Variants in PTPRG observed in about 807,000 individuals in gnomAD.
PTPRG encodes the protein receptor-type tyrosine-protein phosphatase gamma.
PTPRG carries 102 observed loss-of-function variants against 165.3 expected under a neutral mutation model. The ratio of observed to expected loss-of-function variants is 0.62; its 90% CI spans 0.53 to 0.73. The LOEUF is 0.73. Among genes scored for constraint, PTPRG ranks in the 30% least tolerant of loss-of-function variants. PTPRG has a pLI of 0.00. For synonymous variants in PTPRG, 675 were observed against 669.5 expected (o/e 1.01, Z -0.13); for missense variants, 1,866 against 1,861.4 (o/e 1.00, Z -0.05).
intron 1 of PTPRG, among the ~76,000 whole-genome samples, chr3:61,609,687 C>T (rs1188491088): frequency 6.8e-6 from 1 of 147,310 alleles, no homozygotes; most frequent in Non-Finnish European, 1.5e-5. Context: ...CAAAACCGCC[C>T]TCTACACAAA....
At chr3:62,044,130 A>G (rs944614980) in intron 4 of PTPRG, among the ~76,000 whole-genome samples, 1 of 152,250 alleles carries the variant, frequency 6.6e-6, no homozygotes, top group African/African-American at 2.4e-5. Context: ...GGCATTAGCC[A>G]GAGGCTGGAG....
At chr3:61,945,121 T>A (rs1022951036) in intron 2 of PTPRG, among the ~76,000 whole-genome samples, 3 of 152,162 alleles carry the variant, frequency 2.0e-5, no homozygotes, top group African/African-American at 4.8e-5. Flanking sequence ...CAGTGACCAT[T>A]GCACAGAATA....
At chr3:61,902,156 G>A (rs1348167973) in intron 2 of PTPRG, among the ~76,000 whole-genome samples, 1 of 152,202 alleles carries the variant, frequency 6.6e-6, no homozygotes, top group Non-Finnish European at 1.5e-5. Context: ...CTGTTAGCCT[G>A]CTCTGGGGAC....
At chr3:61,850,736 G>A (rs182306457) in intron 2 of PTPRG, among the ~76,000 whole-genome samples, 3 of 151,872 alleles carry the variant, frequency 2.0e-5, no homozygotes, top group Admixed American at 2.0e-4. Flanking sequence ...ATCTGTCTTC[G>A]TGCATCCTTG....
rs149097088 is a variant in PTPRG, at chr3:61,881,616, T to C, written c.191-108009T>C. ...CAAGTTAGTAATACAGTGAATGTGA[T>C]AAAAGCTTCTATGAAGTTGACTAGA... On this transcript the variant is annotated intron_variant, in intron 2 of 29. Transcript: ENST00000474889. 5.3e-5 allele frequency among the ~76,000 whole-genome samples: 8 copies of C among 152,334 alleles called. No individual in the cohort carries two copies. The East Asian group carries it at 1.5e-3, about 29-fold the overall frequency.
chr3:61,773,235 T>G (rs1187342780), intron 2 of PTPRG, among the ~76,000 whole-genome samples: 3 of 152,078 alleles, frequency 2.0e-5, no homozygotes, highest in African/African-American at 4.8e-5. Context: ...AGAAAAAAAG[T>G]GACAAAGACC....
At chr3:61,859,201 G>C (rs1368700109) in intron 2 of PTPRG, among the ~76,000 whole-genome samples, 2 of 151,960 alleles carry the variant, frequency 1.3e-5, no homozygotes, top group East Asian at 1.9e-4. Context: ...ATTAATGCTG[G>C]GGTTCTTTAT....
chr3:61,999,507 T>C (rs76041331), intron 3 of PTPRG, among the ~76,000 whole-genome samples: 1,952 of 152,318 alleles, frequency 0.013, 54 homozygotes, highest in East Asian at 0.12. Flanking sequence ...TGTAACACCA[T>C]TCATTGTTCT....
At chr3:61,709,802 G>C (rs2106742584) in intron 1 of PTPRG, among the ~76,000 whole-genome samples, 1 of 152,190 alleles carries the variant, frequency 6.6e-6, no homozygotes, top group African/African-American at 2.4e-5. Context: ...CTGTGCCAGT[G>C]GTTCTCAAAT....
At chr3:61,761,508 G>A (rs921644276) in intron 2 of PTPRG, among the ~76,000 whole-genome samples, 1 of 152,178 alleles carries the variant, frequency 6.6e-6, no homozygotes, top group African/African-American at 2.4e-5. Context: ...AACCCTGGAG[G>A]TGGAGGTTGC....
chr3:61,865,241 C>T (rs1575733803), intron 2 of PTPRG, among the ~76,000 whole-genome samples: 1 of 152,110 alleles, frequency 6.6e-6, no homozygotes, highest in Admixed American at 6.5e-5. Flanking sequence ...GCTCTCAACT[C>T]TAGCCACCCA....
intron 5 of PTPRG, among the ~76,000 whole-genome samples, chr3:62,080,636 T>A (rs540010254): frequency 3.2e-4 from 49 of 152,154 alleles, no homozygotes; most frequent in East Asian, 9.7e-4. Flanking sequence ...AAAGAAAATT[T>A]AAAAAAAACT....
At chr3:61,984,308 T>A (rs148566622) in intron 2 of PTPRG, among the ~76,000 whole-genome samples, 1 of 152,340 alleles carries the variant, frequency 6.6e-6, no homozygotes, top group Non-Finnish European at 1.5e-5. Context: ...TTCTCCAACT[T>A]TATATAAGGT....
At chr3:61,848,558 A>G (rs2036870875) in intron 2 of PTPRG, among the ~76,000 whole-genome samples, 1 of 152,218 alleles carries the variant, frequency 6.6e-6, no homozygotes, top group South Asian at 2.1e-4. Flanking sequence ...ATAGCAACTC[A>G]TCAGGTCTTG....
At chr3:62,288,711 T>G (rs1702765048) in intron 28 of PTPRG, among the ~76,000 whole-genome samples, 1 of 151,926 alleles carries the variant, frequency 6.6e-6, no homozygotes, top group South Asian at 2.1e-4. Flanking sequence ...TTAATTTGCT[T>G]AGGTGTGATA....
chr3:61,736,609 T>A (rs1002835589), intron 1 of PTPRG, among the ~76,000 whole-genome samples: 1 of 151,852 alleles, frequency 6.6e-6, no homozygotes, highest in South Asian at 2.1e-4. Context: ...AATAGATGAG[T>A]TGAATATTTG....
intron 1 of PTPRG, among the ~76,000 whole-genome samples, chr3:61,694,048 G>C (rs2030403528): frequency 6.7e-6 from 1 of 150,152 alleles, no homozygotes. Context: ...AGAGAGGGAA[G>C]CAAGGCTTTA....
intron 2 of PTPRG, among the ~76,000 whole-genome samples, chr3:61,977,715 T>C (rs1359779607): frequency 6.6e-6 from 1 of 152,182 alleles, no homozygotes; most frequent in African/African-American, 2.4e-5. Context: ...TCAAAGAGTA[T>C]AAAATAATAA....
At chr3:61,988,759 A>G (rs1467072598) in intron 2 of PTPRG, among the ~76,000 whole-genome samples, 1 of 152,238 alleles carries the variant, frequency 6.6e-6, no homozygotes, top group Admixed American at 6.5e-5. Context: ...TGTGTCAACA[A>G]GGTTAAAAGT....
Sources: gnomAD v4.1 joint callset for allele counts (sites outside exome capture counted in the v4.1 genomes callset) on GRCh38, gnomAD v4.1.1 for gene constraint, MANE v1.5 for transcripts, NCBI Gene and HGNC (gene_info 2026-07-23, HGNC 2026-07-21) for gene names.